Variants in MEF2C observed in about 807,000 individuals in gnomAD.
MEF2C encodes myocyte enhancer factor 2C, also known as myocyte-specific enhancer factor 2C.
In MEF2C, 6 loss-of-function variants were observed where a neutral mutation model predicts 50.5. The ratio of observed to expected loss-of-function variants is 0.12; its 90% CI spans 0.07 to 0.23. The LOEUF is 0.23. Ranked by LOEUF, MEF2C falls within the 10% of genes least tolerant of loss-of-function variation. The probability of loss-of-function intolerance (pLI) is 1.00; values close to 1 mark genes in which losing one functional copy is unlikely to be tolerated. For synonymous variants in MEF2C, 183 were observed against 228.0 expected, an observed-to-expected ratio of 0.80 and a Z score of 1.78; for missense variants, 276 against 605.0, an observed-to-expected ratio of 0.46 and a Z score of 5.70.
At chr5:88,869,278 C>CATATATATATATACATAT (rs1828566821) in intron 1 of MEF2C, among the ~76,000 whole-genome samples, 1 of 48,602 alleles carries the variant, frequency 2.1e-5, no homozygotes, top group South Asian at 7.7e-4. Context: ...TATATATATA[C>CATATATATATATACATAT]ATATATATAT....
chr5:88,781,014 C>T (rs1787729909), intron 3 of MEF2C: 1 of 851,040 alleles, frequency 1.2e-6, no homozygotes, highest in African/African-American at 1.8e-5. Context: ...GGCAGAGTTC[C>T]ACTTTTTTTT....
chr5:88,835,673 TGTG>T (rs1218363055), intron 1 of MEF2C, among the ~76,000 whole-genome samples: 1 of 151,100 alleles, frequency 6.6e-6, no homozygotes, highest in Non-Finnish European at 1.5e-5. Context: ...GTTAGCCAGG[TGTG>T]GTGGTGGGTG....
intron 1 of MEF2C, chr5:88,824,926 A>G (rs901069366): frequency 2.0e-5 from 3 of 151,986 alleles, no homozygotes; most frequent in African/African-American, 7.2e-5. Flanking sequence ...ACACAACGGA[A>G]GTTAATTGCT....
intron 3 of MEF2C, among the ~76,000 whole-genome samples, chr5:88,799,248 G>A (rs916787775): frequency 6.6e-6 from 1 of 152,202 alleles, no homozygotes; most frequent in Non-Finnish European, 1.5e-5. Flanking sequence ...GCCCACAGCT[G>A]CCCCTTCCCC....
chr5:88,844,233 C>A (rs1203986267), intron 1 of MEF2C, among the ~76,000 whole-genome samples: 1 of 152,156 alleles, frequency 6.6e-6, no homozygotes, highest in Admixed American at 6.5e-5. Context: ...GATTATACTT[C>A]ATATTATATT....
At chr5:88,810,353 T>A (rs1219163075) in intron 2 of MEF2C, among the ~76,000 whole-genome samples, 2 of 152,160 alleles carry the variant, frequency 1.3e-5, no homozygotes, top group Non-Finnish European at 2.9e-5. Context: ...GTAAATATGC[T>A]GTAGACTTCA....
intron 1 of MEF2C, chr5:88,880,713 T>C (rs1311939132): frequency 6.6e-6 from 1 of 152,004 alleles, no homozygotes; most frequent in Non-Finnish European, 1.5e-5. Flanking sequence ...AATGAACATG[T>C]TTACAAAGAA....
At chr5:88,767,158 A>C (rs568569701) in intron 3 of MEF2C, among the ~76,000 whole-genome samples, 1 of 152,346 alleles carries the variant, frequency 6.6e-6, no homozygotes, top group Non-Finnish European at 1.5e-5. Flanking sequence ...TTTAAAATTT[A>C]TTCGGCAAAC....
At chr5:88,809,270 A>G (rs1265704763) in intron 2 of MEF2C, among the ~76,000 whole-genome samples, 2 of 152,178 alleles carry the variant, frequency 1.3e-5, no homozygotes, top group East Asian at 3.9e-4. Context: ...AATTGAGAAA[A>G]GAAACATTCA....
At chr5:88,820,090 T>C (rs1807529930) in intron 2 of MEF2C, among the ~76,000 whole-genome samples, 1 of 148,242 alleles carries the variant, frequency 6.7e-6, no homozygotes, top group African/African-American at 2.5e-5. Context: ...TATATATATA[T>C]AGTTCTTGGC....
At chr5:88,850,282 T>A (rs1024810087) in intron 1 of MEF2C, among the ~76,000 whole-genome samples, 6 of 152,212 alleles carry the variant, frequency 3.9e-5, no homozygotes, top group Admixed American at 3.9e-4. Context: ...ACTATTCTAT[T>A]CATTTTACAT....
At chr5:88,816,574 A>G (rs1219939905) in intron 2 of MEF2C, among the ~76,000 whole-genome samples, 1 of 150,824 alleles carries the variant, frequency 6.6e-6, no homozygotes, top group African/African-American at 2.4e-5. Flanking sequence ...AGCAATTCCA[A>G]ATCTTTGAAT....
At chr5:88,902,253 G>C (rs1285439902) in intron 1 of MEF2C, among the ~76,000 whole-genome samples, 1 of 151,678 alleles carries the variant, frequency 6.6e-6, no homozygotes, top group Non-Finnish European at 1.5e-5. Context: ...TTACTCAGGT[G>C]TCTGAATCAA....
chr5:88,729,327 G>C lies in MEF2C; in HGVS notation c.855C>G (p.Ser285=). The C allele has an allele frequency of 6.2e-7, 1 of 1,611,202 alleles. No individual in the cohort carries two copies. Among genetic ancestry groups the C allele is most frequent in the South Asian group, 1.1e-5 (1 of 90,852 alleles). Residue 285 remains serine, a synonymous_variant, in exon 9 of 11, where the codon TCC becomes TCG. Coordinates refer to ENST00000504921, the MANE Select transcript of MEF2C (RefSeq NM_002397.5). ...DLLLNQRINN[S]QSAQSLATPV... ...GGGTAGCCAATGACTGAGCCGACTG[G>C]GAGTTATTTATCCTTTGATTCTTTT...
chr5:88,839,891 G>T (rs187939198), intron 1 of MEF2C, among the ~76,000 whole-genome samples: 1 of 152,168 alleles, frequency 6.6e-6, no homozygotes, highest in East Asian at 1.9e-4. Context: ...TTCCAGAATG[G>T]ACTTGGAAAT....
chr5:88,804,725 G>A lies in MEF2C; in HGVS notation c.131C>T (p.Ala44Val), dbSNP rs1799664202. The part of the protein sequence containing the change: ...ELSVLCDCEI[A>V]LIIFNSTNKL... ...GTTGGTGCTGTTGAAGATGATCAGC[G>A]CAATCTCACAGTCACACAGCACGCT... The change falls in exon 3 of 11, where the codon GCG becomes GTG. Residue 44 changes from alanine to valine, a missense_variant. Ala to Val is a moderately conservative substitution (Grantham distance 64). This residue lies in a region of MEF2C where 20 missense variants were observed against 136.9 expected (regional missense o/e 0.15). Coordinates refer to ENST00000504921, the MANE Select transcript of MEF2C (RefSeq NM_002397.5). 1 of 1,614,106 alleles carries A rather than the reference G, an allele frequency of 6.2e-7. No individual in the cohort carries two copies. Among genetic ancestry groups the A allele is most frequent in the Non-Finnish European group, 8.5e-7 (1 of 1,180,000 alleles).
intron 1 of MEF2C, among the ~76,000 whole-genome samples, chr5:88,857,765 C>T (rs1376746624): frequency 6.6e-6 from 1 of 152,202 alleles, no homozygotes. Context: ...TCTAAGTTTC[C>T]TGAGGCCTCC....
At chr5:88,870,553 C>G (rs891771245) in intron 1 of MEF2C, among the ~76,000 whole-genome samples, 2 of 152,028 alleles carry the variant, frequency 1.3e-5, no homozygotes, top group Admixed American at 1.3e-4. Flanking sequence ...GAAAAAAAGA[C>G]CTGGAAGAGA....
Position 88,722,944 on chromosome 5 carries a change from C to T in MEF2C, c.1101-19G>A. On this transcript the variant is annotated intron_variant, in intron 10 of 10. Coordinates refer to ENST00000504921, the MANE Select transcript of MEF2C (RefSeq NM_002397.5). ...GCAAGCTCTGTAGGAGGAAAGGAAA[C>T]CCAGTTACAGATGAAGGAGGCCTGG... The T allele has an allele frequency of 1.3e-6, 2 of 1,559,100 alleles. No individual in the cohort carries two copies. Among genetic ancestry groups the T allele is most frequent in the Non-Finnish European group, 1.7e-6 (2 of 1,149,700 alleles).
Sources: allele counts gnomAD v4.1 joint callset (sites outside exome capture counted in the v4.1 genomes callset), GRCh38; gene constraint gnomAD v4.1.1; regional missense constraint gnomAD v4.1.1; transcripts MANE v1.5; gene names NCBI Gene and HGNC (gene_info 2026-07-23, HGNC 2026-07-21).